The following EXPH5 variants were observed in gnomAD, a reference collection of about 807,000 sequenced individuals.
EXPH5 encodes the protein exophilin 5, also known as exophilin-5.
In EXPH5, 42 loss-of-function variants were observed where a neutral mutation model predicts 41.1. That is an observed-to-expected ratio of 1.02 (90% CI 0.80 to 1.32). The LOEUF (loss-of-function observed/expected upper bound fraction) is 1.32. Ranked by LOEUF, EXPH5 falls within the 40% of genes most tolerant of loss-of-function variation. The pLI is 0.00. For missense variants in EXPH5, 2,298 were observed against 2,314.5 expected (o/e 0.99, Z 0.15); for synonymous variants, 798 against 833.5 (o/e 0.96, Z 0.73).
At chr11:108,537,485 T>C (rs1322326289) in intron 3 of EXPH5, among the ~76,000 whole-genome samples, 1 of 152,228 alleles carries the variant, frequency 6.6e-6, no homozygotes, top group East Asian at 1.9e-4. Context: ...TTATTTTATT[T>C]CTGCATGTTG....
Position 108,510,487 on chromosome 11 carries a change from G to A in EXPH5, c.5020C>T (p.Pro1674Ser), listed in dbSNP as rs1591658397. 6.2e-7 allele frequency: 1 copy of A among 1,613,972 alleles called. No individual in the cohort carries two copies. The highest frequency in any genetic ancestry group is 1.3e-5 in the African/African-American group (1 of 74,906). Reference protein sequence around the residue: ...KHVKKSENLLPITVLPNREPS... With the variant: ...KHVKKSENLLSITVLPNREPS... ...TCTCTGTTGGGTAGTACAGTAATGG[G>A]GAGAAGGTTCTCGGATTTCTTCACA... Residue 1674 changes from proline (P) to serine (S), a missense_variant, in exon 6 of 6, where the codon CCC (proline) becomes TCC (serine). By Grantham distance (74) the Pro-to-Ser change is moderately conservative. Coordinates refer to ENST00000265843, the MANE Select transcript of EXPH5 (RefSeq NM_015065.3).
intron 2 of EXPH5, among the ~76,000 whole-genome samples, chr11:108,541,445 CA>C (rs199762928): frequency 6.7e-6 from 1 of 149,012 alleles, no homozygotes; most frequent in Admixed American, 6.7e-5. Context: ...ACCCAAAAAA[CA>C]AAAAAAAATC....
At chr11:108,518,425 A>C in intron 4 of EXPH5, 52 bp from the exon 5 acceptor site, 2 of 1,567,346 alleles carry the variant, frequency 1.3e-6, no homozygotes, top group Non-Finnish European at 1.7e-6. Context: ...CACCAGTCAA[A>C]ATACTCACAC....
intron 1 of EXPH5, among the ~76,000 whole-genome samples, chr11:108,565,943 G>A (rs1054535198): frequency 3.3e-5 from 5 of 152,086 alleles, no homozygotes; most frequent in African/African-American, 1.2e-4. Flanking sequence ...CTGGCACTTA[G>A]CTAAAGGGTT....
chr11:108,536,807 G>T (rs897019484), intron 3 of EXPH5, among the ~76,000 whole-genome samples: 1 of 152,158 alleles, frequency 6.6e-6, no homozygotes, highest in African/African-American at 2.4e-5. Flanking sequence ...TGATAAGCAC[G>T]TTTTAAAGTG....
intron 1 of EXPH5, among the ~76,000 whole-genome samples, chr11:108,548,925 T>G (rs1393286929): frequency 6.6e-6 from 1 of 152,214 alleles, no homozygotes; most frequent in Non-Finnish European, 1.5e-5. Context: ...GGACAGTACT[T>G]TCTATTTCCA....
chr11:108,604,137 C>T, the EXPH5 span, among the ~76,000 whole-genome samples: 5 of 150,398 alleles, frequency 3.3e-5, no homozygotes, highest in East Asian at 9.8e-4. Context: ...GAGGCTCATG[C>T]CTATAATCTT....
intron 1 of EXPH5, among the ~76,000 whole-genome samples, chr11:108,551,844 T>G (rs1187571631): frequency 6.6e-6 from 1 of 152,220 alleles, no homozygotes; most frequent in East Asian, 1.9e-4. Flanking sequence ...AATCCAAACA[T>G]AATTTTGTCA....
At position 108,566,373 on chromosome 11, in the gene EXPH5, A is replaced by G. The variant is rs148444469; in HGVS notation, c.120-24561T>C. On this transcript the variant is annotated intron_variant, in intron 1 of 5. Coordinates refer to ENST00000265843, the MANE Select transcript of EXPH5 (RefSeq NM_015065.3). ...CATGGAGGGGGGTGGTGGGGAATAA[A>G]TGGGTGAAGGCTTTCATAGGCAGAC... Among the ~76,000 whole-genome samples, 13 of 152,242 alleles carry G rather than the reference A, an allele frequency of 8.5e-5. No individual in the cohort carries two copies. In the East Asian group the frequency reaches 2.5e-3, roughly 29 times the overall value.
At chr11:108,560,351 A>G (rs2094006425) in intron 1 of EXPH5, among the ~76,000 whole-genome samples, 1 of 152,206 alleles carries the variant, frequency 6.6e-6, no homozygotes, top group Non-Finnish European at 1.5e-5. Flanking sequence ...CCTTTTCCAC[A>G]TGATTGCTGC....
chr11:108,528,422 A>G (rs529138109), intron 3 of EXPH5, among the ~76,000 whole-genome samples: 1 of 152,328 alleles, frequency 6.6e-6, no homozygotes, highest in Admixed American at 6.5e-5. Flanking sequence ...AAAAAATTAC[A>G]TATTAGTGGA....
chr11:108,593,349 C>T, intron 1 of EXPH5, 69 bp downstream of exon 1: 1 of 1,418,142 alleles, frequency 7.1e-7, no homozygotes, highest in Non-Finnish European at 9.9e-7. Context: ...GAGCTCAGCG[C>T]CTTCCCCGCG....
At chr11:108,529,348 T>G (rs950043606) in intron 3 of EXPH5, among the ~76,000 whole-genome samples, 1 of 152,154 alleles carries the variant, frequency 6.6e-6, no homozygotes, top group Non-Finnish European at 1.5e-5. Flanking sequence ...TATTTATTTA[T>G]TTGAGACAGG....
intron 1 of EXPH5, among the ~76,000 whole-genome samples, chr11:108,560,848 A>G (rs1365652939): frequency 2.6e-5 from 4 of 152,206 alleles, no homozygotes; most frequent in Admixed American, 6.5e-5. Flanking sequence ...TCATTGTTAT[A>G]TGTTCTTATT....
rs903594999 is a variant in EXPH5, at chr11:108,541,761, A to G, written c.171T>C (p.Gly57=). 11 of 1,612,780 alleles carry G rather than the reference A, an allele frequency of 6.8e-6. No individual in the cohort carries two copies. The highest frequency in any genetic ancestry group is 2.7e-5 in the African/African-American group (2 of 75,000). ...TTCTTTGAATTTCTTCAAACCATTCACCAGTCACTCCCTGAAGCCATCTGA... is the reference window on the plus strand; with the variant it reads ...TTCTTTGAATTTCTTCAAACCATTCGCCAGTCACTCCCTGAAGCCATCTGA... ...RDIRWLQGVT[G]EWFEEIQRKK... is the part of the protein sequence containing the mutation. The change falls in exon 2 of 6, where the codon GGT becomes GGC. Residue 57 remains glycine, a synonymous_variant. Coordinates refer to ENST00000265843, the MANE Select transcript of EXPH5 (RefSeq NM_015065.3).
intron 1 of EXPH5, among the ~76,000 whole-genome samples, chr11:108,559,648 T>C (rs2094003653): frequency 6.6e-6 from 1 of 152,264 alleles, no homozygotes; most frequent in South Asian, 2.1e-4. Context: ...TATGCATCTC[T>C]CCTTCATTTT....
At chr11:108,605,561 C>G in the EXPH5 span, among the ~76,000 whole-genome samples, 1 of 152,092 alleles carries the variant, frequency 6.6e-6, no homozygotes, top group Non-Finnish European at 1.5e-5. Flanking sequence ...TACAGGACAG[C>G]CCCCCTCCTA....
intron 3 of EXPH5, among the ~76,000 whole-genome samples, chr11:108,533,652 G>A (rs2093859021): frequency 6.6e-6 from 1 of 152,096 alleles, no homozygotes; most frequent in Non-Finnish European, 1.5e-5. Context: ...ACTACAGCTA[G>A]AGGAAAGTTT....
At chr11:108,522,460 A>G (rs1159351933) in intron 4 of EXPH5, among the ~76,000 whole-genome samples, 1 of 152,192 alleles carries the variant, frequency 6.6e-6, no homozygotes, top group African/African-American at 2.4e-5. Context: ...TGAGGTTTCA[A>G]GAGGTCAGGT....
Sources: allele counts gnomAD v4.1 joint callset (sites outside exome capture counted in the v4.1 genomes callset), GRCh38; gene constraint gnomAD v4.1.1; transcripts MANE v1.5; gene names NCBI Gene and HGNC (gene_info 2026-07-23, HGNC 2026-07-21).